The following FTO variants were observed in gnomAD, a reference collection of about 807,000 sequenced individuals.
FTO encodes FTO alpha-ketoglutarate dependent dioxygenase, also known as alpha-ketoglutarate-dependent dioxygenase FTO.
Under a neutral mutation model 63.9 loss-of-function variants are expected in FTO, and 47 were observed. The observed-to-expected ratio is 0.74, with a 90% CI of 0.58 to 0.94. The LOEUF (loss-of-function observed/expected upper bound fraction) is 0.94. Ranked by LOEUF, FTO falls within the 40% of genes least tolerant of loss-of-function variation. The pLI, the probability that FTO is intolerant of heterozygous loss-of-function variation, is 0.00. For missense variants in FTO, 562 were observed against 618.1 expected (o/e 0.91, Z 0.96); for synonymous variants, 207 against 224.4 (o/e 0.92, Z 0.69).
intron 7 of FTO, among the ~76,000 whole-genome samples, chr16:53,930,867 T>C (rs1195537296): frequency 1.3e-5 from 2 of 152,184 alleles, no homozygotes; most frequent in African/African-American, 4.8e-5. Flanking sequence ...ATTTTATGAG[T>C]TTATAATTTA....
chr16:53,905,690 G>A (rs1180577743), intron 7 of FTO, among the ~76,000 whole-genome samples: 1 of 152,046 alleles, frequency 6.6e-6, no homozygotes, highest in Non-Finnish European at 1.5e-5. Flanking sequence ...CCGAAATTAT[G>A]TTTTATGTGT....
chr16:53,927,130 T>C (rs1423909509), intron 7 of FTO, among the ~76,000 whole-genome samples: 1 of 152,162 alleles, frequency 6.6e-6, no homozygotes, highest in Non-Finnish European at 1.5e-5. Flanking sequence ...AGGGGTGAGA[T>C]GGACACAGAC....
intron 1 of FTO, among the ~76,000 whole-genome samples, chr16:53,719,049 A>G (rs554570044): frequency 6.6e-6 from 1 of 152,290 alleles, no homozygotes; most frequent in African/African-American, 2.4e-5. Flanking sequence ...TCACAGTAGA[A>G]GAAGGTAAAG....
rs16952502 is a variant in FTO, at chr16:53,744,919, A to G, written c.45+40690A>G. Among the ~76,000 whole-genome samples, 1,476 of 152,066 alleles carry G rather than the reference A, an allele frequency of 9.7e-3. 22 individuals carry two copies. The highest frequency in any genetic ancestry group is 0.04 in the East Asian group (207 of 5,156). On this transcript the variant is annotated intron_variant, in intron 1 of 8. Coordinates refer to ENST00000471389, the MANE Select transcript of FTO (RefSeq NM_001080432.3). ...GGAGGATGTGGACAGGTAAACAAAC[A>G]TTGGTTCAGTCTACTGCCTGTCATT...
Position 53,826,481 on chromosome 16 carries a change from T to C in FTO, c.741T>C (p.Tyr247=), listed in dbSNP as rs2079009515. The C allele has an allele frequency of 1.2e-6, 2 of 1,614,144 alleles. No homozygotes were observed. The highest frequency in any genetic ancestry group is 1.3e-5 in the African/African-American group (1 of 75,052). Residue 247 remains tyrosine (Y), a synonymous_variant, in exon 3 of 9, where the codon TAT becomes TAC. Coordinates refer to ENST00000471389, the MANE Select transcript of FTO (RefSeq NM_001080432.3). ...GGTCAGCGGTGGCAGTGTACAGTTA[T>C]AGCTGTGAAGGTACAGTCTGCTCTT... The part of the protein sequence containing the change: ...VDRSAVAVYS[Y]SCEGPEEESE...
intron 2 of FTO, among the ~76,000 whole-genome samples, chr16:53,824,051 T>A (rs929955841): frequency 1.3e-5 from 2 of 152,248 alleles, no homozygotes; most frequent in African/African-American, 4.8e-5. Flanking sequence ...ATGATTGTAA[T>A]AGCACATTCC....
intron 4 of FTO, among the ~76,000 whole-genome samples, chr16:53,851,919 T>C (rs2079809590): frequency 6.6e-6 from 1 of 152,082 alleles, no homozygotes; most frequent in African/African-American, 2.4e-5. Context: ...ATTTGCGTTT[T>C]ATTCTTTGAT....
chr16:53,747,153 C>T (rs2076670228), intron 1 of FTO, among the ~76,000 whole-genome samples: 1 of 152,184 alleles, frequency 6.6e-6, no homozygotes, highest in African/African-American at 2.4e-5. Context: ...GTGCATAGTG[C>T]TGCAGTGAAC....
chr16:53,842,019 A>T (rs933217272), intron 3 of FTO, among the ~76,000 whole-genome samples: 3 of 152,106 alleles, frequency 2.0e-5, no homozygotes, highest in Admixed American at 1.3e-4. Context: ...TGTAAATTTG[A>T]GGCATTTTTG....
intron 1 of FTO, among the ~76,000 whole-genome samples, chr16:53,807,223 T>C (rs1343958876): frequency 6.6e-6 from 1 of 152,182 alleles, no homozygotes; most frequent in Non-Finnish European, 1.5e-5. Context: ...AGCTGGATGA[T>C]TTTCTGGTCC....
chr16:53,984,362 G>A (rs779477640), intron 8 of FTO, among the ~76,000 whole-genome samples: 21 of 105,398 alleles, frequency 2.0e-4, no homozygotes, highest in Admixed American at 3.1e-4. Context: ...TCACTCTCTC[G>A]CCCAGGCTGG....
chr16:53,770,108 A>G (rs898242585), intron 1 of FTO, among the ~76,000 whole-genome samples: 1 of 152,168 alleles, frequency 6.6e-6, no homozygotes, highest in Non-Finnish European at 1.5e-5. Flanking sequence ...AAAAAAATGT[A>G]TTGACTCCAA....
At chr16:53,946,206 A>T (rs899540960) in intron 8 of FTO, among the ~76,000 whole-genome samples, 1 of 152,136 alleles carries the variant, frequency 6.6e-6, no homozygotes, top group Non-Finnish European at 1.5e-5. Context: ...ACAAAAAAAA[A>T]TAGTTGAATC....
intron 7 of FTO, among the ~76,000 whole-genome samples, chr16:53,901,309 T>C (rs1291405199): frequency 6.6e-6 from 1 of 152,228 alleles, no homozygotes; most frequent in East Asian, 1.9e-4. Context: ...GAACCACTTA[T>C]GATTCTCTTC....
At chr16:54,031,474 G>A (rs2084831390) in intron 8 of FTO, among the ~76,000 whole-genome samples, 1 of 152,106 alleles carries the variant, frequency 6.6e-6, no homozygotes, top group Non-Finnish European at 1.5e-5. Flanking sequence ...TGATTGGGTG[G>A]AGATGAAATA....
chr16:53,704,518 T>C (rs1347992188), intron 1 of FTO, among the ~76,000 whole-genome samples: 2 of 152,220 alleles, frequency 1.3e-5, no homozygotes, highest in East Asian at 3.8e-4. Flanking sequence ...TCCCTGTGCC[T>C]CAGTTTACCG....
chr16:53,766,400 G>T (rs183277198), intron 1 of FTO, among the ~76,000 whole-genome samples: 1 of 151,958 alleles, frequency 6.6e-6, no homozygotes, highest in Admixed American at 6.6e-5. Flanking sequence ...TAATTTTTTC[G>T]TTATCCGTGA....
intron 8 of FTO, among the ~76,000 whole-genome samples, chr16:53,938,966 C>A (rs1347666226): frequency 6.6e-6 from 1 of 151,164 alleles, no homozygotes; most frequent in Non-Finnish European, 1.5e-5. Flanking sequence ...GGCTTGGTGG[C>A]GGGTGCCTGT....
rs118106792 is a variant in FTO at position 53,789,316 on chromosome 16, A to G, written c.46-20824A>G. Among the ~76,000 whole-genome samples, 245 of 152,332 alleles carry G rather than the reference A, an allele frequency of 1.6e-3. 10 individuals are homozygous for G. The East Asian group carries it at 0.045, about 28-fold the overall frequency. ...AGGTTGTTCTCCAAAAGCAACAAGT[A>G]CTACTTGTCTTTTCAGAGCGCTGTC... On this transcript the variant is annotated intron_variant, in intron 1 of 8. Coordinates refer to ENST00000471389, the MANE Select transcript of FTO (RefSeq NM_001080432.3).
Sources: allele counts gnomAD v4.1 joint callset (sites outside exome capture counted in the v4.1 genomes callset), GRCh38; gene constraint gnomAD v4.1.1; transcripts MANE v1.5; gene names NCBI Gene and HGNC (gene_info 2026-07-23, HGNC 2026-07-21).